Variants in DLG5 observed in about 807,000 individuals in gnomAD.
The protein encoded by DLG5 is disks large homolog 5.
DLG5 carries 48 observed loss-of-function variants against 189.8 expected under a neutral mutation model. The ratio of observed to expected loss-of-function variants is 0.25; its 90% CI spans 0.20 to 0.32. The LOEUF (loss-of-function observed/expected upper bound fraction) is 0.32, where lower values mean the gene tolerates loss of function less well. DLG5 is among the 10% of genes least tolerant of loss of function. The probability of loss-of-function intolerance (pLI) is 1.00; values close to 1 mark genes in which losing one functional copy is unlikely to be tolerated. For missense variants in DLG5, 2,160 were observed against 2,544.7 expected, an observed-to-expected ratio of 0.85 and a Z score of 3.25; for synonymous variants, 1,016 against 1,054.1, an observed-to-expected ratio of 0.96 and a Z score of 0.70.
chr10:77,833,435 C>T (rs945202223), intron 9 of DLG5, among the ~76,000 whole-genome samples: 8 of 152,214 alleles, frequency 5.3e-5, no homozygotes, highest in African/African-American at 1.4e-4. Context: ...TCTCTTCCTG[C>T]GCACTGTGAG....
chr10:77,909,288 T>G (rs1334727482), intron 1 of DLG5, among the ~76,000 whole-genome samples: 1 of 152,076 alleles, frequency 6.6e-6, no homozygotes, highest in Non-Finnish European at 1.5e-5. Flanking sequence ...TTCTCACTCC[T>G]AAGTGAGAGT....
At chr10:77,901,197 G>C (rs968429436) in intron 1 of DLG5, among the ~76,000 whole-genome samples, 1 of 152,112 alleles carries the variant, frequency 6.6e-6, no homozygotes, top group South Asian at 2.1e-4. Flanking sequence ...CCCACAGCAA[G>C]GCACAACTTA....
At chr10:77,816,003 C>T (rs1842031212) in intron 20 of DLG5, 1 of 412,178 alleles carries the variant, frequency 2.4e-6, no homozygotes, top group South Asian at 1.8e-5. Flanking sequence ...TGAACCAGTA[C>T]CAGTAAAAAG....
In DLG5 at chr10:77,806,904, A is replaced by C; in HGVS notation, c.4821T>G (p.Asp1607Glu). The change falls in exon 26 of 32, where the codon GAT becomes GAG. Residue 1607 changes from aspartate to glutamate, a missense_variant. This residue lies in a region of DLG5 where 574 missense variants were observed against 644.2 expected (regional missense o/e 0.89). Coordinates refer to ENST00000372391, the MANE Select transcript of DLG5 (RefSeq NM_004747.4). ...TCTTAAAGCTCAACTCTTGCTCCAC[A>C]TCTGCCAGCCGGTCGTACAGGGCCC... is the stretch of plus-strand genomic sequence containing the variant. ...YIRALYDRLA[D>E]VEQELSFKKD... The C allele has an allele frequency of 6.2e-7, 1 of 1,613,720 alleles. No homozygotes were observed. The highest frequency in any genetic ancestry group is 1.3e-5 in the African/African-American group (1 of 75,032).
In DLG5 at chr10:77,841,918, T is replaced by C; in HGVS notation, c.1400A>G (p.Lys467Arg). The part of the protein sequence containing the change: ...ESKLKSSTSE[K>R]KAANEEMEAL... ...CTCCATCTCCTCATTGGCCGCCTTC[T>C]TCTCAGATGTGCTGCTCTTGAGCTT... Residue 467 changes from lysine (K) to arginine (R), a missense_variant, in exon 7 of 32, where the codon AAG (lysine) becomes AGG (arginine). Transcript: ENST00000372391. 6.2e-7 allele frequency: 1 copy of C among 1,611,838 alleles called. No individual in the cohort carries two copies. Among genetic ancestry groups the C allele is most frequent in the Non-Finnish European group, 8.5e-7 (1 of 1,178,158 alleles).
chr10:77,899,831 C>A (rs1261220722), intron 1 of DLG5, among the ~76,000 whole-genome samples: 3 of 152,176 alleles, frequency 2.0e-5, no homozygotes. Flanking sequence ...AGAAAGAGAC[C>A]ATGAAAGAGG....
intron 1 of DLG5, among the ~76,000 whole-genome samples, chr10:77,870,622 C>T (rs755156378): frequency 6.6e-6 from 1 of 151,896 alleles, no homozygotes; most frequent in South Asian, 2.1e-4. Context: ...GAAGTCAAGG[C>T]TGCAGTGAGC....
At chr10:77,826,817 G>A (rs576018220) in intron 13 of DLG5, among the ~76,000 whole-genome samples, 5 of 151,792 alleles carry the variant, frequency 3.3e-5, no homozygotes, top group South Asian at 2.1e-4. Flanking sequence ...GTGTGGTGGC[G>A]CATGCCTGTA....
At chr10:77,918,369 A>G (rs2162666) in intron 1 of DLG5, among the ~76,000 whole-genome samples, 46,587 of 151,758 alleles carry the variant, frequency 0.31, 7,728 homozygotes, top group Admixed American at 0.44. Flanking sequence ...CCGAGATCGC[A>G]CCATTGCACT....
At chr10:77,893,710 C>G (rs1458443491) in intron 1 of DLG5, among the ~76,000 whole-genome samples, 1 of 152,226 alleles carries the variant, frequency 6.6e-6, no homozygotes, top group Non-Finnish European at 1.5e-5. Context: ...TCAAACGGAC[C>G]AGCAAAAAGT....
rs563510564 is a variant in DLG5, at chr10:77,886,647, G to A, written c.305-17450C>T. On this transcript the variant is annotated intron_variant, in intron 1 of 31. Transcript: ENST00000372391. Reference sequence around the variant, plus strand: ...TGGGATTATAGGCGTGAGCCAACGCGCCCTGCCAGTAATGCTGCTCTTATG... The same window carrying A: ...TGGGATTATAGGCGTGAGCCAACGCACCCTGCCAGTAATGCTGCTCTTATG... 6.6e-5 allele frequency among the ~76,000 whole-genome samples: 10 copies of A among 152,226 alleles called. No homozygotes were observed. The South Asian group carries it at 1.2e-3, about 19-fold the overall frequency.
intron 1 of DLG5, among the ~76,000 whole-genome samples, chr10:77,922,496 C>T (rs979493115): frequency 1.3e-5 from 2 of 152,124 alleles, no homozygotes; most frequent in African/African-American, 2.4e-5. Flanking sequence ...GTATCAAATC[C>T]GGGACAAAAG....
intron 27 of DLG5, among the ~76,000 whole-genome samples, chr10:77,800,599 G>A (rs1490713478): frequency 6.6e-6 from 1 of 152,214 alleles, no homozygotes; most frequent in Non-Finnish European, 1.5e-5. Flanking sequence ...AAAAGTTTCT[G>A]AAAATCTCCA....
Position 77,853,370 on chromosome 10 carries a change from C to T in DLG5, c.848G>A (p.Arg283His). ...TGGGCCTACCTGCTGCTGCTGGGCA[C>T]GGAGGTCACCGATCTCCTTCTGGTC... ...EEDQKEIGDL[R>H]AQQQQVLKHN... Residue 283 changes from arginine to histidine, a missense_variant, in exon 5 of 32, where the codon CGT becomes CAT. Physicochemically the swap from Arg to His is conservative, Grantham distance 29. Coordinates refer to ENST00000372391, the MANE Select transcript of DLG5 (RefSeq NM_004747.4). 1.3e-6 allele frequency: 2 copies of T among 1,573,124 alleles called. No individual in the cohort carries two copies. Among genetic ancestry groups the T allele is most frequent in the Non-Finnish European group, 1.7e-6 (2 of 1,155,728 alleles).
intron 15 of DLG5, chr10:77,820,868 T>C (rs1437161351): frequency 1.7e-6 from 1 of 574,140 alleles, no homozygotes; most frequent in Non-Finnish European, 3.0e-6. Context: ...AATAAAGTGT[T>C]CCCCTCTTGT....
In DLG5 at chr10:77,835,777, T is replaced by C; in HGVS notation, c.1583A>G (p.Gln528Arg). 6.2e-7 allele frequency: 1 copy of C among 1,613,740 alleles called. No homozygotes were observed. The highest frequency in any genetic ancestry group is 8.5e-7 in the Non-Finnish European group (1 of 1,179,956). ...CTCTGCTACAATCTTGTCTCGCTCCTGGAAGGCCCAGTCCCGCCGGCACTT... is the reference window on the plus strand; with the variant it reads ...CTCTGCTACAATCTTGTCTCGCTCCCGGAAGGCCCAGTCCCGCCGGCACTT... ...VAKCRRDWAF[Q>R]ERDKIVAERD... Residue 528 changes from glutamine (Q) to arginine (R), a missense_variant, in exon 8 of 32, where the codon CAG becomes CGG. Gln to Arg is a conservative substitution (Grantham distance 43, BLOSUM62 1). Coordinates refer to ENST00000372391, the MANE Select transcript of DLG5 (RefSeq NM_004747.4).
At chr10:77,803,886 A>T (rs991244583) in intron 27 of DLG5, among the ~76,000 whole-genome samples, 2 of 129,442 alleles carry the variant, frequency 1.5e-5, no homozygotes, top group Non-Finnish European at 1.6e-5. Flanking sequence ...ACAGGTTGGC[A>T]TTTTTTTTTT....
At chr10:77,878,686 T>C (rs1845180552) in intron 1 of DLG5, among the ~76,000 whole-genome samples, 1 of 152,118 alleles carries the variant, frequency 6.6e-6, no homozygotes, top group Non-Finnish European at 1.5e-5. Context: ...TGCCTGTGGA[T>C]AAGGAGGCTT....
intron 31 of DLG5, chr10:77,793,480 C>T (rs1288444488): frequency 6.6e-6 from 1 of 152,580 alleles, no homozygotes; most frequent in African/African-American, 2.4e-5. Flanking sequence ...TAGAACCAAA[C>T]TTCACTGAGT....
Sources: gnomAD v4.1 joint callset for allele counts (sites outside exome capture counted in the v4.1 genomes callset) on GRCh38, gnomAD v4.1.1 for gene constraint, gnomAD v4.1.1 regional missense constraint, MANE v1.5 for transcripts, NCBI Gene and HGNC (gene_info 2026-07-23, HGNC 2026-07-21) for gene names.